The following SLCO2B1 variants were observed in gnomAD, a reference collection of about 807,000 sequenced individuals.
SLCO2B1 encodes the protein OATP-RP2.
SLCO2B1 carries 41 observed loss-of-function variants against 67.3 expected under a neutral mutation model. That is an observed-to-expected ratio of 0.61 (90% CI 0.47 to 0.79). SLCO2B1 has a LOEUF of 0.79. Among genes scored for constraint, SLCO2B1 ranks in the 30% least tolerant of loss-of-function variants. The pLI is 0.00. For synonymous variants in SLCO2B1, 379 were observed against 381.4 expected (o/e 0.99, Z 0.07); for missense variants, 837 against 920.1 (o/e 0.91, Z 1.17).
chr11:75,165,642 G>C, intron 3 of SLCO2B1, 145 bp from the exon 4 acceptor site: 1 of 957,872 alleles, frequency 1.0e-6, no homozygotes, highest in Non-Finnish European at 1.6e-6. Context: ...CCTTCCGAGG[G>C]GGACCCAGGA....
chr11:75,195,572 C>T (rs932669730), intron 9 of SLCO2B1, among the ~76,000 whole-genome samples: 3 of 152,066 alleles, frequency 2.0e-5, no homozygotes, highest in Non-Finnish European at 2.9e-5. Context: ...GTCTCCAGCT[C>T]CTGCTCACCC....
chr11:75,204,956 C>T lies in SLCO2B1; in HGVS notation c.*376C>T, dbSNP rs1215688473. On this transcript the variant is annotated 3_prime_UTR_variant, in exon 14 of 14. Coordinates refer to ENST00000289575, the MANE Select transcript of SLCO2B1 (RefSeq NM_007256.5). ...CTCCATGCTGGGCCCCAGCCCAGGT[C>T]TGCACTCGCCTGGATCACCTTCTTT... The T allele has an allele frequency of 6.2e-6, 1 of 162,076 alleles. No homozygotes were observed. The highest frequency in any genetic ancestry group is 1.3e-5 in the Non-Finnish European group (1 of 74,912). 10.0% of individuals were successfully genotyped at this position (162,076 alleles called of 1,614,324 possible).
intron 12 of SLCO2B1, 164 bp from the exon 13 acceptor site, chr11:75,203,143 C>T: frequency 8.5e-7 from 1 of 1,179,122 alleles, no homozygotes. Context: ...AGAGTCTAGA[C>T]AGCCCGTCAG....
chr11:75,167,502 A>G (rs988321539), intron 4 of SLCO2B1, among the ~76,000 whole-genome samples: 1 of 151,998 alleles, frequency 6.6e-6, no homozygotes, highest in Non-Finnish European at 1.5e-5. Flanking sequence ...AGACTCGGGG[A>G]TCTCCAAACT....
intron 1 of SLCO2B1, among the ~76,000 whole-genome samples, chr11:75,159,279 AG>A (rs930713707): frequency 2.6e-5 from 4 of 152,184 alleles, no homozygotes; most frequent in African/African-American, 9.6e-5. Flanking sequence ...GTGGGTCCCT[AG>A]CCCCTGGAGC....
chr11:75,172,529 G>C lies in SLCO2B1; in HGVS notation c.932G>C (p.Arg311Pro), dbSNP rs564410502. Residue 311 changes from arginine (R) to proline (P), a missense_variant, in exon 7 of 14, where the codon CGG (arginine) becomes CCG (proline). Coordinates refer to ENST00000289575, the MANE Select transcript of SLCO2B1 (RefSeq NM_007256.5). ...MPKEKRELQF[R>P]RKVLAVTDSP... The stretch of plus-strand genomic sequence containing the variant: ...AAGGAAAAACGTGAGCTTCAGTTTC[G>C]GCGAAAGGTCTTAGCAGTCACAGAC... 5 of 1,614,110 alleles carry C rather than the reference G, an allele frequency of 3.1e-6. No individual in the cohort carries two copies. The highest frequency in any genetic ancestry group is 1.1e-5 in the South Asian group (1 of 91,076).
intron 13 of SLCO2B1, chr11:75,203,782 A>G (rs1333457426): frequency 9.3e-6 from 2 of 215,994 alleles, no homozygotes; most frequent in Admixed American, 5.4e-5. Context: ...TCTAGGACAC[A>G]GGAGGCCTGG....
At chr11:75,178,093 C>CAAAAAAAAAAAA (rs71804511) in intron 7 of SLCO2B1, among the ~76,000 whole-genome samples, 1 of 84,390 alleles carries the variant, frequency 1.2e-5, no homozygotes. Context: ...GATTCCATCT[C>CAAAAAAAAAAAA]AAAAAAAAAA....
chr11:75,173,359 G>C (rs1462886468), intron 7 of SLCO2B1, among the ~76,000 whole-genome samples: 1 of 152,228 alleles, frequency 6.6e-6, no homozygotes, highest in Admixed American at 6.5e-5. Context: ...GAAGCACCCT[G>C]CATGAAGGAT....
At chr11:75,184,540 C>A (rs1159886212) in intron 7 of SLCO2B1, among the ~76,000 whole-genome samples, 6 of 152,196 alleles carry the variant, frequency 3.9e-5, no homozygotes, top group Admixed American at 3.9e-4. Flanking sequence ...GGAGGCCCCC[C>A]CAGCAGACAT....
chr11:75,176,507 C>T (rs1950025715), intron 7 of SLCO2B1, among the ~76,000 whole-genome samples: 1 of 152,212 alleles, frequency 6.6e-6, no homozygotes, highest in African/African-American at 2.4e-5. Flanking sequence ...TAGAGCTTCT[C>T]AAGTACTTAC....
In SLCO2B1 at chr11:75,165,804, G is replaced by C; in HGVS notation, c.303G>C (p.Leu101Phe). 1.9e-6 allele frequency: 3 copies of C among 1,614,200 alleles called. No individual in the cohort carries two copies. The highest frequency in any genetic ancestry group is 2.5e-6 in the Non-Finnish European group (3 of 1,180,026). Residue 101 changes from leucine (L) to phenylalanine (F), a missense_variant, in exon 4 of 14, where the codon TTG becomes TTC. Physicochemically the swap from Leu to Phe is conservative, Grantham distance 22. Transcript: ENST00000289575. ...TTTTGCAGGTGGGGAACACAGCCTT[G>C]ATTGTGTTTGTGAGCTATTTTGGCA... ...ASFNEVGNTA[L>F]IVFVSYFGSR...
chr11:75,171,554 A>G (rs1591817458), intron 6 of SLCO2B1, among the ~76,000 whole-genome samples: 1 of 152,196 alleles, frequency 6.6e-6, no homozygotes, highest in Admixed American at 6.5e-5. Context: ...CACTGCACCC[A>G]GCTCATTTGT....
chr11:75,157,010 C>G (rs1443456950), intron 1 of SLCO2B1: 1 of 152,486 alleles, frequency 6.6e-6, no homozygotes, highest in African/African-American at 2.4e-5. Flanking sequence ...GACCTCCTAT[C>G]TCATTCTGTG....
At chr11:75,175,320 T>C (rs1950010502) in intron 7 of SLCO2B1, among the ~76,000 whole-genome samples, 1 of 152,012 alleles carries the variant, frequency 6.6e-6, no homozygotes, top group Non-Finnish European at 1.5e-5. Flanking sequence ...GGGCCACCAA[T>C]GAGGAGTTGA....
In SLCO2B1 at chr11:75,204,476, CAGGACAAAGAGGCA is replaced by C; in HGVS notation, c.2032_2045del (p.Lys678GlnfsTer39). ...CTTAGTTTTGGCTGTCCTGAGGCAG[CAGGACAAAGAGGCA>C]AGGACCAAAGAGAGCAGATCCAGCC... On this transcript the variant is annotated frameshift_variant, in exon 14 of 14. Coordinates refer to ENST00000289575, the MANE Select transcript of SLCO2B1 (RefSeq NM_007256.5). LOFTEE classifies it low-confidence loss of function (END_TRUNC). The C allele has an allele frequency of 6.2e-7, 1 of 1,613,462 alleles. No individual in the cohort carries two copies. Among genetic ancestry groups the C allele is most frequent in the Non-Finnish European group, 8.5e-7 (1 of 1,179,676 alleles).
chr11:75,183,820 C>T (rs954361811), intron 7 of SLCO2B1, among the ~76,000 whole-genome samples: 1 of 152,222 alleles, frequency 6.6e-6, no homozygotes, highest in Non-Finnish European at 1.5e-5. Context: ...TCAGTCAAGG[C>T]ATGAGTTTTC....
chr11:75,152,271 T>C (rs1045562265), intron 1 of SLCO2B1: 2 of 152,298 alleles, frequency 1.3e-5, no homozygotes, highest in Admixed American at 1.3e-4. Context: ...GCAGTCACCT[T>C]TGGCCTCTTT....
chr11:75,186,884 C>G (rs1944944123), intron 7 of SLCO2B1, among the ~76,000 whole-genome samples: 1 of 152,188 alleles, frequency 6.6e-6, no homozygotes, highest in Admixed American at 6.5e-5. Flanking sequence ...GGGCCTTGGC[C>G]TTGGTTGCCC....
Sources: gnomAD v4.1 joint callset for allele counts (sites outside exome capture counted in the v4.1 genomes callset) on GRCh38, gnomAD v4.1.1 for gene constraint, MANE v1.5 for transcripts, NCBI Gene and HGNC (gene_info 2026-07-23, HGNC 2026-07-21) for gene names.